The following CRLF2 variants were observed in gnomAD, a reference collection of about 807,000 sequenced individuals.
CRLF2 encodes the protein cytokine receptor-like factor 2.
A neutral mutation model predicts 38.7 loss-of-function variants in CRLF2; 41 were observed. The observed-to-expected ratio is 1.06, with a 90% confidence interval of 0.83 to 1.37. CRLF2 has a LOEUF of 1.37. Among genes scored for constraint, CRLF2 ranks in the 40% most tolerant of loss-of-function variants. The pLI is 0.00. For missense variants in CRLF2, 377 were observed against 322.2 expected (o/e 1.17, Z -1.30); for synonymous variants, 140 against 128.8 (o/e 1.09, Z -0.59).
intron 4 of CRLF2, 193 bp from the exon 5 acceptor site, chrX:1,198,917 G>C (rs374061024): frequency 9.6e-6 from 6 of 627,442 alleles, no homozygotes; most frequent in East Asian, 5.6e-5. Context: ...GGGAGGCTGA[G>C]GCGGGTGGAT....
chrX:1,200,633 T>G lies in CRLF2; in HGVS notation c.483+1769A>C, dbSNP rs375383656. Among the ~76,000 whole-genome samples, 14 of 117,036 alleles carry G rather than the reference T, an allele frequency of 1.2e-4. 3 individuals carry two copies. The highest frequency in any genetic ancestry group is 3.8e-4 in the African/African-American group (13 of 33,862). 76.8% of individuals were successfully genotyped at this position (117,036 alleles called of 152,430 possible). A position where few individuals can be genotyped will look rare whatever the true frequency, so the allele number is the denominator to read the frequency against. On this transcript the variant is annotated intron_variant, in intron 4 of 7. Coordinates refer to ENST00000400841, the MANE Select transcript of CRLF2 (RefSeq NM_022148.4). ...ATATACGTGTGTATAAATATGCATA[T>G]ATAAGGTATGTATATATGTGTGGGT...
At chrX:1,193,631 A>C (rs1157688820) in intron 6 of CRLF2, among the ~76,000 whole-genome samples, 11 of 151,772 alleles carry the variant, frequency 7.2e-5, no homozygotes, top group African/African-American at 2.4e-4. Flanking sequence ...TACAAAAAAA[A>C]ATTAGCCGGG....
intron 5 of CRLF2, 94 bp from the exon 6 acceptor site, chrX:1,196,994 C>A: frequency 9.7e-7 from 1 of 1,029,856 alleles, no homozygotes; most frequent in Non-Finnish European, 1.3e-6. Context: ...TAACCAGTCT[C>A]CCTCATTTTT....
At chrX:1,202,316 G>A (rs1284893855) in intron 4 of CRLF2, 86 bp downstream of exon 4, 118 of 1,486,604 alleles carry the variant, frequency 7.9e-5, no homozygotes, top group Admixed American at 1.3e-4. Context: ...AGAGGGGAGC[G>A]AGGTCTGATG....
intron 1 of CRLF2, among the ~76,000 whole-genome samples, chrX:1,209,363 A>T (rs1321262162): frequency 6.8e-6 from 1 of 146,476 alleles, no homozygotes; most frequent in Non-Finnish European, 1.5e-5. Context: ...ACAGACTCTC[A>T]CTCTGTCACC....
chrX:1,210,591 T>G (rs1280293736), intron 1 of CRLF2, among the ~76,000 whole-genome samples: 1 of 152,182 alleles, frequency 6.6e-6, no homozygotes, highest in Non-Finnish European at 1.5e-5. Context: ...ATTACAGGCA[T>G]GAGCCACAGC....
At chrX:1,209,013 G>T (rs1363394442) in intron 1 of CRLF2, 105 bp from the exon 2 acceptor site, 9 of 710,156 alleles carry the variant, frequency 1.3e-5, no homozygotes, top group Non-Finnish European at 1.7e-5. Flanking sequence ...TGTTGCCCAG[G>T]CTGGAGTACA....
At chrX:1,197,536 C>T (rs1341611879) in intron 5 of CRLF2, among the ~76,000 whole-genome samples, 1 of 152,040 alleles carries the variant, frequency 6.6e-6, no homozygotes, top group Non-Finnish European at 1.5e-5. Context: ...ACGTCAAAGG[C>T]CGGGCGCGGT....
intron 2 of CRLF2, among the ~76,000 whole-genome samples, chrX:1,207,615 T>C (rs1362219849): frequency 6.7e-6 from 1 of 149,612 alleles, no homozygotes; most frequent in Admixed American, 6.8e-5. Context: ...TGCAACTACG[T>C]GCAAAATCCA....
At chrX:1,193,090 G>C (rs1331768099) in intron 7 of CRLF2, 128 bp downstream of exon 7, 1 of 391,634 alleles carries the variant, frequency 2.6e-6, no homozygotes, top group Non-Finnish European at 4.5e-6. Flanking sequence ...TGGGATGACA[G>C]GCGTGAGCCA....
Position 1,202,523 on chromosome X carries a change from G to A in CRLF2, c.362C>T (p.Ser121Phe), listed in dbSNP as rs1265666508. The change falls in exon 4 of 8, where the codon TCC becomes TTC. Residue 121 changes from serine (S) to phenylalanine (F), a missense_variant. Coordinates refer to ENST00000400841, the MANE Select transcript of CRLF2 (RefSeq NM_022148.4). ...RWMVYYLKPS[S>F]PKHVRFSWHQ... is the part of the protein sequence containing the mutation. ...CCACGAAAATCTCACGTGCTTCGGG[G>A]AACTGGGTTTCACTGAGAAGAAGAA... The A allele has an allele frequency of 2.5e-6, 4 of 1,613,708 alleles. No homozygotes were observed. The highest frequency in any genetic ancestry group is 2.2e-5 in the East Asian group (1 of 44,884).
chrX:1,210,583 T>G (rs1304414353), intron 1 of CRLF2, among the ~76,000 whole-genome samples: 2 of 152,142 alleles, frequency 1.3e-5, no homozygotes, highest in Admixed American at 6.6e-5. Context: ...GTGCTGGGAT[T>G]ACAGGCATGA....
chrX:1,201,563 G>GAGATAGATGAT (rs2086608828), intron 4 of CRLF2, among the ~76,000 whole-genome samples: 1 of 5,464 alleles, frequency 1.8e-4, no homozygotes, highest in Non-Finnish European at 4.6e-4. Flanking sequence ...TGATGAGAGA[G>GAGATAGATGAT]AGATAGATGA....
At chrX:1,205,164 A>G (rs1304701096) in intron 3 of CRLF2, among the ~76,000 whole-genome samples, 23 of 152,184 alleles carry the variant, frequency 1.5e-4, no homozygotes, top group Admixed American at 5.2e-4. Flanking sequence ...TCCCGGGGTC[A>G]TCTGGTCTCC....
rs1205263930 is a variant in CRLF2, at chrX:1,190,825, C to T, written c.*72G>A. 5.0e-6 allele frequency: 2 copies of T among 398,542 alleles called. No homozygotes were observed. The highest frequency in any genetic ancestry group is 8.8e-6 in the Non-Finnish European group (2 of 226,092). 24.7% of individuals were successfully genotyped at this position (398,542 alleles called of 1,614,324 possible). On this transcript the variant is annotated 3_prime_UTR_variant, in exon 8 of 8. Transcript: ENST00000400841. The stretch of plus-strand genomic sequence containing the variant: ...CTTCCCATCCATGGTGGTGTGGAGT[C>T]CCCGGGACAGTCCCCTCTGTCTTTA...
chrX:1,209,585 C>A (rs1337762539), intron 1 of CRLF2, among the ~76,000 whole-genome samples: 1 of 151,990 alleles, frequency 6.6e-6, no homozygotes, highest in Non-Finnish European at 1.5e-5. Context: ...CCCGCCTCAT[C>A]CACCTAAAGT....
chrX:1,191,296 T>C (rs1426796643), intron 7 of CRLF2, 136 bp from the exon 8 acceptor site: 1 of 249,008 alleles, frequency 4.0e-6, no homozygotes, highest in Non-Finnish European at 6.3e-6. Context: ...TTTTCTTTTC[T>C]CTTTCTTTCT....
chrX:1,205,798 A>G (rs1432046239), intron 3 of CRLF2, among the ~76,000 whole-genome samples: 14 of 151,680 alleles, frequency 9.2e-5, no homozygotes, highest in Admixed American at 8.5e-4. Context: ...GCTTTTCAAT[A>G]GCTACGGTAA....
chrX:1,196,762 G>C lies in CRLF2; in HGVS notation c.767+18C>G. The C allele has an allele frequency of 6.2e-7, 1 of 1,612,042 alleles. No individual in the cohort carries two copies. The highest frequency in any genetic ancestry group is 8.5e-7 in the Non-Finnish European group (1 of 1,179,036). On this transcript the variant is annotated intron_variant, in intron 6 of 7. Coordinates refer to ENST00000400841, the MANE Select transcript of CRLF2 (RefSeq NM_022148.4). ...CAAGCAGGTCCCTCCACCCACGGGC[G>C]GCAGGAGTCATCCTTACCTCCATAA...
Sources: gnomAD v4.1 joint callset for allele counts (sites outside exome capture counted in the v4.1 genomes callset) on GRCh38, gnomAD v4.1.1 for gene constraint, MANE v1.5 for transcripts, NCBI Gene and HGNC (gene_info 2026-07-23, HGNC 2026-07-21) for gene names.